CERS6: variants seen among roughly 807,000 people sequenced by gnomAD.
The protein encoded by CERS6 is LAG1 homolog, ceramide synthase 6.
In CERS6, 26 loss-of-function variants were observed where a neutral mutation model predicts 56.8. The observed-to-expected ratio is 0.46, with a 90% CI of 0.34 to 0.63. The LOEUF is 0.63. Among genes scored for constraint, CERS6 ranks in the 30% least tolerant of loss-of-function variants. The pLI is 0.01. For missense variants in CERS6, 415 were observed against 467.5 expected (o/e 0.89, Z 1.04); for synonymous variants, 164 against 173.3 (o/e 0.95, Z 0.42).
At position 168,671,166 on chromosome 2, in the gene CERS6, C is replaced by A. The variant is rs192583044; in HGVS notation, c.466-19868C>A. Among the ~76,000 whole-genome samples, 1,117 of 152,006 alleles carry A rather than the reference C, an allele frequency of 7.3e-3. 10 individuals are homozygous for A. Among genetic ancestry groups the A allele is most frequent in the Admixed American group, 0.015 (226 of 15,256 alleles). Reference sequence around the variant, plus strand: ...TTTTTCAGTAGAGACAGGGTTTCACCATGTTGGCCAGGATGGTCTCCATCT... The same window carrying A: ...TTTTTCAGTAGAGACAGGGTTTCACAATGTTGGCCAGGATGGTCTCCATCT... On this transcript the variant is annotated intron_variant, in intron 4 of 9. Coordinates refer to ENST00000305747, the MANE Select transcript of CERS6 (RefSeq NM_203463.3).
At chr2:168,602,196 A>G (rs1683950438) in intron 3 of CERS6, among the ~76,000 whole-genome samples, 1 of 152,188 alleles carries the variant, frequency 6.6e-6, no homozygotes. Flanking sequence ...CTTTTAGAAG[A>G]TGTAAGGGAA....
At chr2:168,499,453 G>A (rs536802013) in intron 1 of CERS6, among the ~76,000 whole-genome samples, 1 of 152,296 alleles carries the variant, frequency 6.6e-6, no homozygotes, top group Admixed American at 6.5e-5. Flanking sequence ...CTTACGACAA[G>A]GGTTTGCAAG....
Position 168,490,980 on chromosome 2 carries a change from A to G in CERS6, c.170+34362A>G, listed in dbSNP as rs571795821. 5.3e-5 allele frequency among the ~76,000 whole-genome samples: 8 copies of G among 152,266 alleles called. No homozygotes were observed. In the South Asian group the frequency reaches 1.7e-3, roughly 32 times the overall value. On this transcript the variant is annotated intron_variant, in intron 1 of 9. Coordinates refer to ENST00000305747, the MANE Select transcript of CERS6 (RefSeq NM_203463.3). Reference sequence around the variant, plus strand: ...CACTGTTTTGTGAGATGTACTTTGTATTCATACTTTGGGGAGGCAGGTAAC... The same window carrying G: ...CACTGTTTTGTGAGATGTACTTTGTGTTCATACTTTGGGGAGGCAGGTAAC...
intron 1 of CERS6, among the ~76,000 whole-genome samples, chr2:168,504,967 A>G (rs1694649938): frequency 6.6e-6 from 1 of 152,176 alleles, no homozygotes; most frequent in Non-Finnish European, 1.5e-5. Context: ...TCTTAAAGCC[A>G]GGTGCTGAGT....
chr2:168,759,870 T>A (rs957200780), intron 8 of CERS6, among the ~76,000 whole-genome samples: 10 of 151,324 alleles, frequency 6.6e-5, no homozygotes, highest in African/African-American at 2.4e-4. Context: ...TAGTAATTAT[T>A]AAAGCCAAAA....
intron 8 of CERS6, among the ~76,000 whole-genome samples, chr2:168,762,525 A>G (rs1684612515): frequency 6.6e-6 from 1 of 152,256 alleles, no homozygotes; most frequent in Admixed American, 6.5e-5. Flanking sequence ...ATGAGGAATT[A>G]AACATTACCA....
At chr2:168,462,811 T>C (rs1015422404) in intron 1 of CERS6, among the ~76,000 whole-genome samples, 22 of 152,154 alleles carry the variant, frequency 1.4e-4, no homozygotes, top group African/African-American at 5.3e-4. Flanking sequence ...TGGGATTACA[T>C]GTGTGAGTCA....
At position 168,664,209 on chromosome 2, in the gene CERS6, C is replaced by T. The variant is rs560824704; in HGVS notation, c.466-26825C>T. On this transcript the variant is annotated intron_variant, in intron 4 of 9. Transcript: ENST00000305747. ...GGATGTTTTGGTGGTGAATAACATA[C>T]ATGAGAAGTGTTGTGGGGAAGGCCT... 3.0e-4 allele frequency among the ~76,000 whole-genome samples: 46 copies of T among 152,284 alleles called. 1 individual carries two copies. The South Asian group carries it at 5.4e-3, about 18-fold the overall frequency.
intron 8 of CERS6, among the ~76,000 whole-genome samples, chr2:168,727,480 C>G (rs566998921): frequency 1.3e-5 from 2 of 149,498 alleles, no homozygotes; most frequent in South Asian, 4.2e-4. Flanking sequence ...ACCTGGGAGG[C>G]GAAGGTTGCA....
At chr2:168,527,030 G>T (rs1695083968) in intron 1 of CERS6, among the ~76,000 whole-genome samples, 2 of 152,182 alleles carry the variant, frequency 1.3e-5, no homozygotes, top group Admixed American at 6.5e-5. Context: ...TGACACTGGG[G>T]CTGAGGCTCT....
chr2:168,475,531 C>T (rs1694052696), intron 1 of CERS6, among the ~76,000 whole-genome samples: 1 of 138,370 alleles, frequency 7.2e-6, no homozygotes, highest in African/African-American at 2.7e-5. Flanking sequence ...GGTGAAATGA[C>T]AGGGTAGAAT....
Position 168,622,312 on chromosome 2 carries a change from T to TA in CERS6, c.408-8672dup, listed in dbSNP as rs528793438. ...AATGTTTTAAGAACGTTTACAAATT[T>TA]ATGCTGGGCCGCATTCAAAGCCGTC... On this transcript the variant is annotated intron_variant, in intron 3 of 9. Coordinates refer to ENST00000305747, the MANE Select transcript of CERS6 (RefSeq NM_203463.3). Among the ~76,000 whole-genome samples, 51 of 152,332 alleles carry TA rather than the reference T, an allele frequency of 3.3e-4. No individual in the cohort carries two copies. In the South Asian group the frequency reaches 0.01, roughly 31 times the overall value.
chr2:168,462,941 A>G (rs1693804262), intron 1 of CERS6, among the ~76,000 whole-genome samples: 1 of 152,148 alleles, frequency 6.6e-6, no homozygotes, highest in African/African-American at 2.4e-5. Context: ...ATTTTGTTTG[A>G]TGTTTGACTA....
chr2:168,524,399 T>G (rs1695034857), intron 1 of CERS6, among the ~76,000 whole-genome samples: 1 of 152,214 alleles, frequency 6.6e-6, no homozygotes, highest in Non-Finnish European at 1.5e-5. Flanking sequence ...ACGTGGTGAT[T>G]GTGAAAGGAA....
At chr2:168,582,921 A>G (rs906188057) in intron 3 of CERS6, 5 of 154,412 alleles carry the variant, frequency 3.2e-5, no homozygotes, top group African/African-American at 1.2e-4. Flanking sequence ...CCTTTGAAAG[A>G]CATGAAAGCT....
intron 8 of CERS6, among the ~76,000 whole-genome samples, chr2:168,723,540 T>C (rs924387782): frequency 1.4e-5 from 2 of 142,460 alleles, no homozygotes. Flanking sequence ...TTTCTGATTC[T>C]GAATTTTATT....
chr2:168,466,253 C>T (rs1693872067), intron 1 of CERS6, among the ~76,000 whole-genome samples: 1 of 151,876 alleles, frequency 6.6e-6, no homozygotes, highest in African/African-American at 2.4e-5. Flanking sequence ...AAGAGGAGAG[C>T]AAAGTGTCTG....
chr2:168,641,839 C>T (rs887150412), intron 4 of CERS6, among the ~76,000 whole-genome samples: 24 of 151,552 alleles, frequency 1.6e-4, no homozygotes, highest in Admixed American at 1.4e-3. Context: ...CCGCATGAAT[C>T]TCCTATAGCA....
intron 6 of CERS6, among the ~76,000 whole-genome samples, chr2:168,702,230 T>C (rs528041473): frequency 6.6e-6 from 1 of 152,302 alleles, no homozygotes; most frequent in South Asian, 2.1e-4. Flanking sequence ...GAATATTGTG[T>C]GTGATGAAAT....
Sources: allele counts gnomAD v4.1 joint callset (sites outside exome capture counted in the v4.1 genomes callset), GRCh38; gene constraint gnomAD v4.1.1; transcripts MANE v1.5; gene names NCBI Gene and HGNC (gene_info 2026-07-23, HGNC 2026-07-21).